The following GLI3 variants were observed in gnomAD, a reference collection of about 807,000 sequenced individuals.
The protein encoded by GLI3 is transcription activator GLI3.
GLI3 carries 20 observed loss-of-function variants against 100.8 expected under a neutral mutation model. The observed-to-expected ratio is 0.20, with a 90% confidence interval of 0.14 to 0.29. GLI3 has a LOEUF of 0.29. GLI3 is among the 10% of genes least tolerant of loss of function. The probability of loss-of-function intolerance (pLI) is 1.00; values close to 1 mark genes in which losing one functional copy is unlikely to be tolerated. For synonymous variants in GLI3, 938 were observed against 860.5 expected, an observed-to-expected ratio of 1.09 and a Z score of -1.58; for missense variants, 2,040 against 2,128.5, an observed-to-expected ratio of 0.96 and a Z score of 0.82.
At chr7:42,216,175 C>T (rs988504667) in intron 2 of GLI3, among the ~76,000 whole-genome samples, 1 of 152,168 alleles carries the variant, frequency 6.6e-6, no homozygotes, top group Admixed American at 6.5e-5. Context: ...TTACACATGT[C>T]CCCTGCCCTC....
chr7:42,040,112 G>A lies in GLI3; in HGVS notation c.954C>T (p.Val318=), dbSNP rs142968143. ...TMIRTSPNSL[V]TILNNSRSSS... is the part of the protein sequence containing the mutation. ...TGCTACGGGAATTATTGAGAATCGTGACCAAGGAGTTGGGAGACGTCCTTA... is the reference window on the plus strand; with the variant it reads ...TGCTACGGGAATTATTGAGAATCGTAACCAAGGAGTTGGGAGACGTCCTTA... Residue 318 remains valine, a synonymous_variant, in exon 7 of 15, where the codon GTC becomes GTT. Coordinates refer to ENST00000395925, the MANE Select transcript of GLI3 (RefSeq NM_000168.6). 3.0e-5 allele frequency: 49 copies of A among 1,613,918 alleles called. No individual in the cohort carries two copies. Among genetic ancestry groups the A allele is most frequent in the Admixed American group, 3.3e-5 (2 of 60,000 alleles).
intron 2 of GLI3, among the ~76,000 whole-genome samples, chr7:42,216,555 T>G (rs936403089): frequency 3.3e-5 from 5 of 152,142 alleles, no homozygotes; most frequent in Admixed American, 2.0e-4. Context: ...ATGTAAGATG[T>G]TAATAAGAGG....
At chr7:42,014,252 T>C (rs1362956274) in intron 10 of GLI3, among the ~76,000 whole-genome samples, 25 of 152,182 alleles carry the variant, frequency 1.6e-4, no homozygotes, top group Non-Finnish European at 2.9e-5. Context: ...GTCAGACTCC[T>C]AGTCTAGCAA....
chr7:41,964,085 A>T lies in GLI3; in HGVS notation c.*245T>A. 1 of 309,184 alleles carries T rather than the reference A, an allele frequency of 3.2e-6. No homozygotes were observed. Among genetic ancestry groups the T allele is most frequent in the Non-Finnish European group, 5.9e-6 (1 of 169,048 alleles). The allele number at this position is 309,184 out of a possible 1,614,324, so 19.2% of individuals were successfully genotyped here. A position where few individuals can be genotyped will look rare whatever the true frequency, so the allele number is the denominator to read the frequency against. ...TACAGTTTTTTTTTTTTTTTTTAAAAAGAGGGTGGTTTGAGTGTAACAATA... is the reference window on the plus strand; with the variant it reads ...TACAGTTTTTTTTTTTTTTTTTAAATAGAGGGTGGTTTGAGTGTAACAATA... On this transcript the variant is annotated 3_prime_UTR_variant, in exon 15 of 15. Coordinates refer to ENST00000395925, the MANE Select transcript of GLI3 (RefSeq NM_000168.6).
chr7:42,067,305 G>T (rs750258661), intron 4 of GLI3, among the ~76,000 whole-genome samples: 1 of 152,112 alleles, frequency 6.6e-6, no homozygotes, highest in Non-Finnish European at 1.5e-5. Flanking sequence ...CTCTGTGGGG[G>T]AACCAGAGAT....
intron 1 of GLI3, among the ~76,000 whole-genome samples, chr7:42,247,750 C>T (rs1788990217): frequency 6.6e-6 from 1 of 152,228 alleles, no homozygotes; most frequent in South Asian, 2.1e-4. Flanking sequence ...CTGCTCAGCT[C>T]TTTCTTCAGG....
intron 3 of GLI3, among the ~76,000 whole-genome samples, chr7:42,115,716 A>G (rs1356027211): frequency 1.3e-5 from 2 of 152,156 alleles, no homozygotes; most frequent in East Asian, 1.9e-4. Context: ...GGGAAAGAGA[A>G]ACAAAATTTC....
chr7:42,028,501 CG>C (rs1789188043), intron 7 of GLI3, among the ~76,000 whole-genome samples: 1 of 152,134 alleles, frequency 6.6e-6, no homozygotes, highest in Non-Finnish European at 1.5e-5. Context: ...CGGTGGCTCA[CG>C]CCTGTAATCC....
intron 7 of GLI3, among the ~76,000 whole-genome samples, chr7:42,035,480 T>C (rs1315594610): frequency 1.3e-5 from 2 of 152,252 alleles, no homozygotes; most frequent in African/African-American, 4.8e-5. Context: ...GCTGGAGATC[T>C]TGGCACTCAG....
At chr7:42,243,607 A>C (rs1327201315) in intron 1 of GLI3, among the ~76,000 whole-genome samples, 1 of 152,226 alleles carries the variant, frequency 6.6e-6, no homozygotes, top group Non-Finnish European at 1.5e-5. Flanking sequence ...GTGATTTAAA[A>C]AGAAAGTGAG....
chr7:42,001,612 A>C (rs1260907127), intron 10 of GLI3, among the ~76,000 whole-genome samples: 1 of 152,198 alleles, frequency 6.6e-6, no homozygotes, highest in African/African-American at 2.4e-5. Flanking sequence ...ATTGTTACTA[A>C]GGAACAAAGG....
intron 3 of GLI3, among the ~76,000 whole-genome samples, chr7:42,110,664 T>C (rs1196842456): frequency 1.3e-5 from 2 of 152,220 alleles, no homozygotes; most frequent in Admixed American, 6.5e-5. Context: ...TGCAATTATC[T>C]TAAGCTGTTT....
intron 3 of GLI3, among the ~76,000 whole-genome samples, chr7:42,138,556 T>C (rs1331133666): frequency 6.6e-6 from 1 of 152,120 alleles, no homozygotes; most frequent in Non-Finnish European, 1.5e-5. Context: ...TGTATGTTAG[T>C]TTCCCTTCAC....
chr7:41,990,422 A>T (rs974076944), intron 10 of GLI3, among the ~76,000 whole-genome samples: 2 of 152,200 alleles, frequency 1.3e-5, no homozygotes, highest in African/African-American at 4.8e-5. Context: ...ACGTAAATGA[A>T]AAACGAGATC....
At chr7:42,009,846 G>A (rs1027361170) in intron 10 of GLI3, among the ~76,000 whole-genome samples, 4 of 152,160 alleles carry the variant, frequency 2.6e-5, no homozygotes, top group African/African-American at 9.7e-5. Context: ...TTCATTCCAA[G>A]GGATGTGCCT....
intron 3 of GLI3, chr7:42,118,251 G>A (rs1366388939): frequency 1.0e-5 from 4 of 398,364 alleles, no homozygotes; most frequent in Non-Finnish European, 1.8e-5. Context: ...TAGTTTCCAC[G>A]GATGGCAGCG....
rs1199356707 is a variant in GLI3, at chr7:41,963,504, C to T, written c.*826G>A. The T allele has an allele frequency of 2.0e-5, 3 of 152,136 alleles. No homozygotes were observed. The highest frequency in any genetic ancestry group is 7.2e-5 in the African/African-American group (3 of 41,398). The allele number at this position is 152,136 out of a possible 1,614,324, so 9.4% of individuals were successfully genotyped here. On this transcript the variant is annotated 3_prime_UTR_variant, in exon 15 of 15. Coordinates refer to ENST00000395925, the MANE Select transcript of GLI3 (RefSeq NM_000168.6). ...ATGTGGCTGAGTGTCACCAACTGTC[C>T]GTCCCTTCTCTCTAACTGCAGTGCG...
At chr7:42,252,869 C>A (rs1789048209) in intron 1 of GLI3, among the ~76,000 whole-genome samples, 2 of 151,980 alleles carry the variant, frequency 1.3e-5, no homozygotes, top group South Asian at 4.2e-4. Context: ...TGATAGTCAC[C>A]ATCAATGAGA....
chr7:42,172,641 C>T, intron 2 of GLI3: 3 of 702,982 alleles, frequency 4.3e-6, no homozygotes, highest in Non-Finnish European at 7.8e-6. Context: ...GCGGATGCAT[C>T]CAATCCTCCT....
Sources: gnomAD v4.1 joint callset for allele counts (sites outside exome capture counted in the v4.1 genomes callset) on GRCh38, gnomAD v4.1.1 for gene constraint, MANE v1.5 for transcripts, NCBI Gene and HGNC (gene_info 2026-07-23, HGNC 2026-07-21) for gene names.